The following TMEM190 variants were observed in gnomAD, a reference collection of about 807,000 sequenced individuals.
TMEM190 encodes the protein transmembrane protein 190.
Under a neutral mutation model 17.1 loss-of-function variants are expected in TMEM190, and 17 were observed. The observed-to-expected ratio is 0.99, with a 90% CI of 0.68 to 1.49. The LOEUF (loss-of-function observed/expected upper bound fraction) is 1.49, where lower values mean the gene tolerates loss of function less well. Ranked by LOEUF, TMEM190 falls within the 40% of genes most tolerant of loss-of-function variation. The pLI is 0.00. For missense variants in TMEM190, 246 were observed against 245.0 expected (o/e 1.00, Z -0.03); for synonymous variants, 101 against 103.8 (o/e 0.97, Z 0.16).
In TMEM190 at chr19:55,377,622, A is replaced by G. The variant is rs1399071158; in HGVS notation, c.124A>G (p.Ser42Gly). 6.2e-7 allele frequency: 1 copy of G among 1,612,582 alleles called. No individual in the cohort carries two copies. Among genetic ancestry groups the G allele is most frequent in the Non-Finnish European group, 8.5e-7 (1 of 1,179,306 alleles). The change falls in exon 3 of 5, where the codon AGC becomes GGC. Residue 42 changes from serine (S) to glycine (G), a missense_variant. By Grantham distance (56) the Ser-to-Gly change is moderately conservative. Coordinates refer to ENST00000291934, the MANE Select transcript of TMEM190 (RefSeq NM_139172.3). ...TGAGGGTGACATATGGGACCGGGAG[A>G]GCTGTGGGGGCCAGGCGGCCATCGA... ...SCEGDIWDRE[S>G]CGGQAAIDSP...
rs565648905 is a variant in TMEM190 at position 55,376,948 on chromosome 19, C to T, written c.58+37C>T. ...GTGAGGCGGGGGAGCTGAGGAGGGACGCCCGGCTCCACACAGCCCTAACAC... is the reference window on the plus strand; with the variant it reads ...GTGAGGCGGGGGAGCTGAGGAGGGATGCCCGGCTCCACACAGCCCTAACAC... On this transcript the variant is annotated intron_variant, in intron 1 of 4. Coordinates refer to ENST00000291934, the MANE Select transcript of TMEM190 (RefSeq NM_139172.3). The T allele has an allele frequency of 1.3e-4, 206 of 1,554,546 alleles. 5 individuals carry two copies. In the South Asian group the frequency reaches 1.6e-3, roughly 12 times the overall value.
chr19:55,377,908 C>G, intron 4 of TMEM190, 22 bp downstream of exon 4: 3 of 1,606,570 alleles, frequency 1.9e-6, no homozygotes, highest in Non-Finnish European at 8.5e-7. Flanking sequence ...TGGGATAGGG[C>G]GGGCGCCTGC....
Position 55,378,160 on chromosome 19 carries a change from C to A in TMEM190, c.491C>A (p.Thr164Lys). 1 of 1,571,566 alleles carries A rather than the reference C, an allele frequency of 6.4e-7. No individual in the cohort carries two copies. The highest frequency in any genetic ancestry group is 8.7e-7 in the Non-Finnish European group (1 of 1,155,256). ...DVEGGTEGEG[T>K]EEGEETEGEE... ...GAGGGAGGCACCGAGGGGGAAGGGA[C>A]GGAGGAGGGTGAGGAGACAGAGGGC... is the stretch of plus-strand genomic sequence containing the variant. The change falls in exon 5 of 5, where the codon ACG (threonine) becomes AAG (lysine). Residue 164 changes from threonine to lysine, a missense_variant. Thr to Lys is a moderately conservative substitution (Grantham distance 78). Transcript: ENST00000291934.
Position 55,377,673 on chromosome 19 carries a change from C to T in TMEM190, c.175C>T (p.Arg59Trp), listed in dbSNP as rs545000597. 2.8e-5 allele frequency: 45 copies of T among 1,613,398 alleles called. No individual in the cohort carries two copies. In the South Asian group the frequency reaches 2.9e-4, roughly 10 times the overall value. The change falls in exon 3 of 5, where the codon CGG becomes TGG. Residue 59 changes from arginine (R) to tryptophan (W), a missense_variant. Arg to Trp is a moderately radical substitution (Grantham distance 101). Coordinates refer to ENST00000291934, the MANE Select transcript of TMEM190 (RefSeq NM_139172.3). ...TAGCCCCAACCTCTGCCTGCGTCTC[C>T]GGTGCTGCTACCGCAATGGGGTCTG... ...IDSPNLCLRL[R>W]CCYRNGVCYH...
chr19:55,377,187 C>A lies in TMEM190; in HGVS notation c.94+161C>A, dbSNP rs10420436. On this transcript the variant is annotated intron_variant, in intron 2 of 4. Coordinates refer to ENST00000291934, the MANE Select transcript of TMEM190 (RefSeq NM_139172.3). ...GGGAGGAGGGGCTGGGGGCCTGGAT[C>A]CCTGGATCTGAGGGAGGAGGGGCTG... 5.5e-3 allele frequency among the ~76,000 whole-genome samples: 615 copies of A among 111,590 alleles called. 3 individuals are homozygous for A. Among genetic ancestry groups the A allele is most frequent in the African/African-American group, 9.4e-3 (211 of 22,504 alleles). 73.2% of individuals were successfully genotyped at this position (111,590 alleles called of 152,430 possible). A position where few individuals can be genotyped will look rare whatever the true frequency, so the allele number is the denominator to read the frequency against.
chr19:55,377,940 C>T (rs779614102), intron 4 of TMEM190, 35 bp from the exon 5 acceptor site: 16 of 1,606,290 alleles, frequency 1.0e-5, no homozygotes, highest in South Asian at 7.7e-5. Flanking sequence ...GAGGGTCCGG[C>T]GGAGGGCGGG....
chr19:55,377,113 G>A (rs574088996), intron 2 of TMEM190, 87 bp downstream of exon 2: 4 of 1,462,798 alleles, frequency 2.7e-6, no homozygotes, highest in Non-Finnish European at 3.7e-6. Flanking sequence ...CTGGGGCCTG[G>A]ACTCCTGGAT....
rs367760724 is a variant in TMEM190 at position 55,377,972 on chromosome 19, C to T, written c.306-3C>T. The T allele has an allele frequency of 1.9e-6, 3 of 1,610,624 alleles. No individual in the cohort carries two copies. In the African/African-American group the frequency reaches 4.0e-5, roughly 22 times the overall value. ...CGGGGGCTGAGCCGTCCGCTCCCTG[C>T]AGGTGGGCCAAGCGCCGGGACGTGC... On this transcript the variant is annotated splice_polypyrimidine_tract_variant and splice_region_variant and intron_variant, in intron 4 of 4. Coordinates refer to ENST00000291934, the MANE Select transcript of TMEM190 (RefSeq NM_139172.3).
intron 4 of TMEM190, 37 bp downstream of exon 4, chr19:55,377,923 C>T: frequency 1.2e-6 from 2 of 1,606,520 alleles, no homozygotes; most frequent in Non-Finnish European, 1.7e-6. Flanking sequence ...GCCTGCACCC[C>T]CAGGGGGAGG....
Position 55,378,110 on chromosome 19 carries a change from C to T in TMEM190, c.441C>T (p.Ala147=), listed in dbSNP as rs764849157. 4.4e-6 allele frequency: 7 copies of T among 1,606,440 alleles called. No individual in the cohort carries two copies. The highest frequency in any genetic ancestry group is 6.0e-6 in the Non-Finnish European group (7 of 1,175,898). The change falls in exon 5 of 5, where the codon GCC becomes GCT. Residue 147 remains alanine (A), a synonymous_variant. Transcript: ENST00000291934. The part of the protein sequence containing the change: ...KTPSTGSVPV[A]LSKESRDVEG... ...CGTCCACGGGCAGCGTGCCAGTCGC[C>T]CTGTCCAAAGAGTCCAGGGATGTGG... is the stretch of plus-strand genomic sequence containing the variant.
At position 55,377,988 on chromosome 19, in the gene TMEM190, C is replaced by G; in HGVS notation, c.319C>G (p.Arg107Gly). The change falls in exon 5 of 5, where the codon CGG becomes GGG. Residue 107 changes from arginine to glycine, a missense_variant. Coordinates refer to ENST00000291934, the MANE Select transcript of TMEM190 (RefSeq NM_139172.3). ...CGCTCCCTGCAGGTGGGCCAAGCGCCGGGACGTGCTGCATATGCCCGGTTT... is the reference window on the plus strand; with the variant it reads ...CGCTCCCTGCAGGTGGGCCAAGCGCGGGGACGTGCTGCATATGCCCGGTTT... ...SICLFWWAKR[R>G]DVLHMPGFLA... 2 of 1,611,844 alleles carry G rather than the reference C, an allele frequency of 1.2e-6. No homozygotes were observed. Among genetic ancestry groups the G allele is most frequent in the Non-Finnish European group, 1.7e-6 (2 of 1,179,842 alleles).
chr19:55,377,453 G>C, intron 2 of TMEM190, 140 bp from the exon 3 acceptor site: 1 of 1,355,554 alleles, frequency 7.4e-7, no homozygotes, highest in Non-Finnish European at 1.0e-6. Context: ...AGGGAGGAGG[G>C]GGTGGAGTCT....
At chr19:55,377,499 A>C (rs1231167297) in intron 2 of TMEM190, 94 bp from the exon 3 acceptor site, 67 of 1,530,912 alleles carry the variant, frequency 4.4e-5, no homozygotes, top group Non-Finnish European at 5.7e-5. Flanking sequence ...AAGCACCAGG[A>C]AGGCAGCCTG....
chr19:55,377,651 C>T lies in TMEM190; in HGVS notation c.153C>T (p.Ser51=). Reference sequence around the variant, plus strand: ...GTGGGGGCCAGGCGGCCATCGATAGCCCCAACCTCTGCCTGCGTCTCCGGT... The same window carrying T: ...GTGGGGGCCAGGCGGCCATCGATAGTCCCAACCTCTGCCTGCGTCTCCGGT... ...ESCGGQAAID[S]PNLCLRLRCC... Residue 51 remains serine (S), a synonymous_variant, in exon 3 of 5, where the codon AGC becomes AGT. Coordinates refer to ENST00000291934, the MANE Select transcript of TMEM190 (RefSeq NM_139172.3). The T allele has an allele frequency of 1.2e-6, 2 of 1,613,506 alleles. No individual in the cohort carries two copies. Among genetic ancestry groups the T allele is most frequent in the East Asian group, 2.2e-5 (1 of 44,852 alleles).
At position 55,378,144 on chromosome 19, in the gene TMEM190, A is replaced by C; in HGVS notation, c.475A>C (p.Thr159Pro). 3 of 1,584,456 alleles carry C rather than the reference A, an allele frequency of 1.9e-6. No individual in the cohort carries two copies. In the South Asian group the frequency reaches 3.4e-5, roughly 18 times the overall value. ...AGAGTCCAGGGATGTGGAGGGAGGC[A>C]CCGAGGGGGAAGGGACGGAGGAGGG... ...SKESRDVEGGTEGEGTEEGEE... is the reference protein window; with the variant it reads ...SKESRDVEGGPEGEGTEEGEE... The change falls in exon 5 of 5, where the codon ACC becomes CCC. Residue 159 changes from threonine to proline, a missense_variant. Physicochemically the swap from Thr to Pro is conservative, Grantham distance 38. Transcript: ENST00000291934.
intron 2 of TMEM190, 142 bp from the exon 3 acceptor site, chr19:55,377,450 AG>A: frequency 7.6e-7 from 1 of 1,316,098 alleles, no homozygotes; most frequent in Admixed American, 2.3e-5. Flanking sequence ...CTGAGGGAGG[AG>A]GGGGTGGAGT....
Position 55,377,623 on chromosome 19 carries a change from G to A in TMEM190, c.125G>A (p.Ser42Asn), listed in dbSNP as rs1408459549. The change falls in exon 3 of 5, where the codon AGC becomes AAC. Residue 42 changes from serine to asparagine, a missense_variant. Transcript: ENST00000291934. Reference sequence around the variant, plus strand: ...GAGGGTGACATATGGGACCGGGAGAGCTGTGGGGGCCAGGCGGCCATCGAT... The same window carrying A: ...GAGGGTGACATATGGGACCGGGAGAACTGTGGGGGCCAGGCGGCCATCGAT... The part of the protein sequence containing the change: ...SCEGDIWDRE[S>N]CGGQAAIDSP... 1 of 1,613,152 alleles carries A rather than the reference G, an allele frequency of 6.2e-7. No homozygotes were observed. Among genetic ancestry groups the A allele is most frequent in the Admixed American group, 1.7e-5 (1 of 59,908 alleles).
chr19:55,378,242 A>T lies in TMEM190; in HGVS notation c.*39A>T. On this transcript the variant is annotated 3_prime_UTR_variant, in exon 5 of 5. Coordinates refer to ENST00000291934, the MANE Select transcript of TMEM190 (RefSeq NM_139172.3). ...GGACTGCTCAATACAGATACGGTGG[A>T]CGGACGTGTGTTCTCTTCTCTGAAA... 1 of 1,468,700 alleles carries T rather than the reference A, an allele frequency of 6.8e-7. No individual in the cohort carries two copies. The highest frequency in any genetic ancestry group is 1.4e-5 in the South Asian group (1 of 72,718). 91.0% of individuals were successfully genotyped at this position (1,468,700 alleles called of 1,614,324 possible).
At chr19:55,377,945 G>T in intron 4 of TMEM190, 30 bp from the exon 5 acceptor site, 1 of 1,607,060 alleles carries the variant, frequency 6.2e-7, no homozygotes. Context: ...TCCGGCGGAG[G>T]GCGGGGGCTG....
Sources: gnomAD v4.1 joint callset for allele counts (sites outside exome capture counted in the v4.1 genomes callset) on GRCh38, gnomAD v4.1.1 for gene constraint, MANE v1.5 for transcripts, NCBI Gene and HGNC (gene_info 2026-07-23, HGNC 2026-07-21) for gene names.